SLC9D1: variants seen among roughly 807,000 people sequenced by gnomAD.
The protein encoded by SLC9D1 is putative LAG1-interacting protein.
At chr13:113,495,733 G>C in the SLC9D1 span, 7 of 1,613,930 alleles carry the variant, frequency 4.3e-6, no homozygotes, top group Non-Finnish European at 5.1e-6. Flanking sequence ...CAGTGGGTCC[G>C]GGACAGCTGC....
At chr13:113,501,773 C>T in the SLC9D1 span, 5 of 1,609,572 alleles carry the variant, frequency 3.1e-6, no homozygotes, top group Non-Finnish European at 4.3e-6. Flanking sequence ...CATAGGAATG[C>T]TGTCCTTGCC....
At chr13:113,545,294 C>T in the SLC9D1 span, among the ~76,000 whole-genome samples, 2 of 133,940 alleles carry the variant, frequency 1.5e-5, no homozygotes, top group Non-Finnish European at 3.1e-5. Flanking sequence ...ATTGAAACAT[C>T]GAGCTGGGTC....
At chr13:113,503,417 T>C in the SLC9D1 span, 1 of 1,014,052 alleles carries the variant, frequency 9.9e-7, no homozygotes, top group Non-Finnish European at 1.5e-6. Flanking sequence ...CCGGGCATAC[T>C]AGGGCATGAT....
chr13:113,495,970 A>G, the SLC9D1 span: 2 of 1,613,754 alleles, frequency 1.2e-6, no homozygotes, highest in South Asian at 2.2e-5. Flanking sequence ...GATGTCGTGA[A>G]CATGAAGGAG....
chr13:113,547,171 C>T, the SLC9D1 span: 13 of 736,004 alleles, frequency 1.8e-5, no homozygotes, highest in Admixed American at 1.6e-4. Context: ...TGCTTTCACA[C>T]GTGCACTTGG....
At chr13:113,495,459 A>ATCAT in the SLC9D1 span, 1 of 684,182 alleles carries the variant, frequency 1.5e-6, no homozygotes, top group East Asian at 2.5e-5. Flanking sequence ...ATCAATAGTA[A>ATCAT]TGAATCATTG....
the SLC9D1 span, among the ~76,000 whole-genome samples, chr13:113,537,428 A>G: frequency 6.6e-6 from 1 of 152,164 alleles, no homozygotes; most frequent in East Asian, 1.9e-4. Flanking sequence ...TCCACTTAGC[A>G]CCACGTCCTC....
chr13:113,521,734 G>A, the SLC9D1 span, among the ~76,000 whole-genome samples: 1 of 152,188 alleles, frequency 6.6e-6, no homozygotes, highest in Admixed American at 6.5e-5. Context: ...CCAGAAAGTT[G>A]TAGGTTGTGC....
the SLC9D1 span, among the ~76,000 whole-genome samples, chr13:113,520,132 C>G: frequency 2.6e-5 from 4 of 152,302 alleles, no homozygotes; most frequent in East Asian, 7.7e-4. Flanking sequence ...TGCTCTACAA[C>G]ATTTTTAATC....
chr13:113,520,361 A>G, the SLC9D1 span, among the ~76,000 whole-genome samples: 3 of 151,820 alleles, frequency 2.0e-5, no homozygotes, highest in Non-Finnish European at 4.4e-5. Context: ...GCAGGCGCCT[A>G]TAATCCCAGC....
the SLC9D1 span, among the ~76,000 whole-genome samples, chr13:113,540,347 C>T: frequency 9.1e-4 from 138 of 152,336 alleles, no homozygotes; most frequent in African/African-American, 3.1e-3. Flanking sequence ...AATTTACTGT[C>T]CTACCAATGG....
chr13:113,525,690 T>G, the SLC9D1 span, among the ~76,000 whole-genome samples: 1 of 151,646 alleles, frequency 6.6e-6, no homozygotes, highest in African/African-American at 2.4e-5. Context: ...GTGCCTGTTA[T>G]TCTAGAACAA....
At chr13:113,499,982 G>A in the SLC9D1 span, 2 of 1,545,192 alleles carry the variant, frequency 1.3e-6, no homozygotes, top group South Asian at 2.5e-5. Context: ...TTTTGAGGCA[G>A]TTCTGAGGGT....
the SLC9D1 span, among the ~76,000 whole-genome samples, chr13:113,520,248 G>A: frequency 6.6e-6 from 1 of 152,110 alleles, no homozygotes; most frequent in Admixed American, 6.6e-5. Context: ...CACTTTGGGA[G>A]GCCAGGGCAG....
the SLC9D1 span, chr13:113,530,089 A>T: frequency 6.6e-6 from 1 of 152,288 alleles, no homozygotes; most frequent in Admixed American, 6.5e-5. Flanking sequence ...ATGAAGCACG[A>T]TGCTTCTGAA....
chr13:113,541,630 G>A, the SLC9D1 span, among the ~76,000 whole-genome samples: 5 of 143,724 alleles, frequency 3.5e-5, no homozygotes, highest in African/African-American at 5.2e-5. Context: ...ATACGCACAC[G>A]ATTGCTGATC....
chr13:113,518,354 G>A, the SLC9D1 span, among the ~76,000 whole-genome samples: 1 of 152,140 alleles, frequency 6.6e-6, no homozygotes, highest in Non-Finnish European at 1.5e-5. Flanking sequence ...TGAAGACCTG[G>A]TCTCTGCTCT....
chr13:113,496,006 TGAGA>T, the SLC9D1 span: 2 of 1,610,284 alleles, frequency 1.2e-6, no homozygotes, highest in Admixed American at 1.7e-5. Context: ...CTGGAGGCCC[TGAGA>T]GAGGCTGCAA....
chr13:113,520,173 T>G, the SLC9D1 span, among the ~76,000 whole-genome samples: 1 of 152,298 alleles, frequency 6.6e-6, no homozygotes, highest in Non-Finnish European at 1.5e-5. Context: ...CAAAGAGATT[T>G]TAAAGTCTAT....
Sources: gnomAD v4.1 joint callset for allele counts (sites outside exome capture counted in the v4.1 genomes callset) on GRCh38, gnomAD v4.1.1 for gene constraint, MANE v1.5 for transcripts, NCBI Gene and HGNC (gene_info 2026-07-23, HGNC 2026-07-21) for gene names.